Variants in PGGT1B observed in about 807,000 individuals in gnomAD.
PGGT1B encodes protein geranylgeranyltransferase type I subunit beta.
In PGGT1B, 30 loss-of-function variants were observed where a neutral mutation model predicts 46.1. The ratio of observed to expected loss-of-function variants is 0.65; its 90% CI spans 0.49 to 0.88. The LOEUF (loss-of-function observed/expected upper bound fraction) is 0.88, where lower values mean the gene tolerates loss of function less well. PGGT1B is among the 40% of genes least tolerant of loss of function. The probability of loss-of-function intolerance (pLI) is 0.00; values close to 1 mark genes in which losing one functional copy is unlikely to be tolerated. For synonymous variants in PGGT1B, 170 were observed against 160.0 expected (o/e 1.06, Z -0.47); for missense variants, 376 against 455.9 (o/e 0.82, Z 1.60).
chr5:115,227,945 G>A (rs1184549961), intron 6 of PGGT1B, among the ~76,000 whole-genome samples: 1 of 152,076 alleles, frequency 6.6e-6, no homozygotes, highest in Non-Finnish European at 1.5e-5. Context: ...ATTTATGGAG[G>A]ACAACTGGTG....
At chr5:115,251,287 T>C (rs1230062856) in intron 2 of PGGT1B, among the ~76,000 whole-genome samples, 3 of 152,136 alleles carry the variant, frequency 2.0e-5, no homozygotes, top group African/African-American at 2.4e-5. Context: ...TTTTTAGCCA[T>C]TCTGTTGATT....
intron 4 of PGGT1B, 26 bp from the exon 5 acceptor site, chr5:115,236,548 T>C: frequency 7.4e-6 from 11 of 1,496,044 alleles, no homozygotes; most frequent in Non-Finnish European, 9.8e-6. Flanking sequence ...ACAATATGAT[T>C]TTCTATTAAC....
At chr5:115,229,027 A>C (rs1756886751) in intron 6 of PGGT1B, among the ~76,000 whole-genome samples, 1 of 152,118 alleles carries the variant, frequency 6.6e-6, no homozygotes, top group Admixed American at 6.6e-5. Context: ...GAACACAATG[A>C]CTTGATGGGT....
intron 8 of PGGT1B, among the ~76,000 whole-genome samples, chr5:115,215,410 T>C (rs560247149): frequency 5.3e-4 from 80 of 152,326 alleles, no homozygotes; most frequent in African/African-American, 1.9e-3. Flanking sequence ...GCAATTCTTC[T>C]GCCCCAGCCT....
At chr5:115,249,779 T>C (rs1748010364) in intron 2 of PGGT1B, among the ~76,000 whole-genome samples, 1 of 152,220 alleles carries the variant, frequency 6.6e-6, no homozygotes, top group Non-Finnish European at 1.5e-5. Context: ...CTAATATATA[T>C]GACAGACAGT....
At position 115,253,139 on chromosome 5, in the gene PGGT1B, T is replaced by A. The variant is rs766803778; in HGVS notation, c.257A>T (p.Asp86Val). 5 of 1,599,586 alleles carry A rather than the reference T, an allele frequency of 3.1e-6. No individual in the cohort carries two copies. The highest frequency in any genetic ancestry group is 3.4e-6 in the Non-Finnish European group (4 of 1,175,206). The change falls in exon 2 of 9, where the codon GAC becomes GTC. Residue 86 changes from aspartate to valine, a missense_variant and splice_region_variant. Around this residue, in one of 2 missense-constraint regions of PGGT1B, gnomAD observed 154 missense variants for 142.3 expected, o/e 1.08. Coordinates refer to ENST00000419445, the MANE Select transcript of PGGT1B (RefSeq NM_005023.4). The part of the protein sequence containing the change: ...IYSLQVLPTE[D>V]RSNLNRCGFR... ...TAAAATGCTAAAAACTCACTCACTG[T>A]CTTCTGTGGGAAGGACCTGCAGGGA...
At chr5:115,225,094 G>C (rs186963735) in intron 6 of PGGT1B, among the ~76,000 whole-genome samples, 1 of 152,176 alleles carries the variant, frequency 6.6e-6, no homozygotes, top group Non-Finnish European at 1.5e-5. Flanking sequence ...ATAATGATTT[G>C]AATTCATCAA....
chr5:115,208,155 T>C lies in PGGT1B; in HGVS notation c.*4247A>G, dbSNP rs1407028928. 6.6e-6 allele frequency: 1 copy of C among 152,010 alleles called. No individual in the cohort carries two copies. Among genetic ancestry groups the C allele is most frequent in the African/African-American group, 2.4e-5 (1 of 41,430 alleles). 9.4% of individuals were successfully genotyped at this position (152,010 alleles called of 1,614,324 possible). A position where few individuals can be genotyped will look rare whatever the true frequency, so the allele number is the denominator to read the frequency against. Reference sequence around the variant, plus strand: ...AACTTTTTATTAATATTCATGAGATTGCTCTATATTTTCTTTTTGGTACCA... The same window carrying C: ...AACTTTTTATTAATATTCATGAGATCGCTCTATATTTTCTTTTTGGTACCA... On this transcript the variant is annotated 3_prime_UTR_variant, in exon 9 of 9. Coordinates refer to ENST00000419445, the MANE Select transcript of PGGT1B (RefSeq NM_005023.4).
At chr5:115,258,642 A>G (rs1199686199) in intron 1 of PGGT1B, among the ~76,000 whole-genome samples, 1 of 152,214 alleles carries the variant, frequency 6.6e-6, no homozygotes, top group African/African-American at 2.4e-5. Flanking sequence ...AACAACAACA[A>G]CAACAAAACA....
At chr5:115,215,640 T>C (rs548111523) in intron 8 of PGGT1B, among the ~76,000 whole-genome samples, 1 of 152,286 alleles carries the variant, frequency 6.6e-6, no homozygotes, top group African/African-American at 2.4e-5. Flanking sequence ...AGTAGGGGTG[T>C]AAGGAAATAT....
Position 115,249,410 on chromosome 5 carries a change from G to C in PGGT1B, c.259+3727C>G, listed in dbSNP as rs1580775615. ...ACACACTTGGACAAGGGAGGGGAAG[G>C]GGTTCTCATCCCTGACGCGGGTGGC... On this transcript the variant is annotated intron_variant, in intron 2 of 8. Coordinates refer to ENST00000419445, the MANE Select transcript of PGGT1B (RefSeq NM_005023.4). 2.0e-5 allele frequency among the ~76,000 whole-genome samples: 3 copies of C among 152,270 alleles called. 1 individual carries two copies. The South Asian group carries it at 6.2e-4, about 32-fold the overall frequency.
Position 115,249,712 on chromosome 5 carries a change from C to CA in PGGT1B, c.259+3424dup, listed in dbSNP as rs547485087. ...GGAAGTTAAGTTTAAAAGTAGAAGG[C>CA]AAAAAATTGAACATACTGACATATT... On this transcript the variant is annotated intron_variant, in intron 2 of 8. Coordinates refer to ENST00000419445, the MANE Select transcript of PGGT1B (RefSeq NM_005023.4). Among the ~76,000 whole-genome samples the CA allele has an allele frequency of 2.1e-4, 32 of 151,780 alleles. No individual in the cohort carries two copies. The East Asian group carries it at 6.2e-3, about 29-fold the overall frequency.
intron 2 of PGGT1B, among the ~76,000 whole-genome samples, chr5:115,244,466 CAAAAAAAA>C (rs1299602640): frequency 6.4e-5 from 2 of 31,188 alleles, no homozygotes; most frequent in Non-Finnish European, 1.1e-4. Flanking sequence ...CTCTGTCTCA[CAAAAAAAA>C]AAAAAAAAAA....
chr5:115,241,422 C>T (rs1487007746), intron 3 of PGGT1B, 117 bp downstream of exon 3: 1 of 516,018 alleles, frequency 1.9e-6, no homozygotes, highest in East Asian at 3.3e-5. Context: ...TATTAGACAA[C>T]ATTTAGCCAC....
chr5:115,236,096 G>C (rs1243514760), intron 5 of PGGT1B, among the ~76,000 whole-genome samples: 1 of 152,030 alleles, frequency 6.6e-6, no homozygotes, highest in Non-Finnish European at 1.5e-5. Flanking sequence ...GCTAGAATAG[G>C]CTGTCAATAT....
chr5:115,262,461 G>T, intron 1 of PGGT1B: 1 of 512,970 alleles, frequency 1.9e-6, no homozygotes. Flanking sequence ...GCAGCTCAGA[G>T]TTGCCAGAAG....
chr5:115,219,599 T>C (rs1009776576), intron 7 of PGGT1B, among the ~76,000 whole-genome samples: 1 of 151,764 alleles, frequency 6.6e-6, no homozygotes, highest in Non-Finnish European at 1.5e-5. Context: ...TTTGATAAAA[T>C]TGTACTGCAT....
intron 1 of PGGT1B, among the ~76,000 whole-genome samples, chr5:115,256,871 C>T (rs1362477992): frequency 6.6e-6 from 1 of 152,164 alleles, no homozygotes; most frequent in African/African-American, 2.4e-5. Context: ...GGTAATTGTG[C>T]GAACACACGC....
At chr5:115,262,022 C>T (rs1238671543) in intron 1 of PGGT1B, among the ~76,000 whole-genome samples, 2 of 152,250 alleles carry the variant, frequency 1.3e-5, no homozygotes, top group East Asian at 3.8e-4. Flanking sequence ...ACAAGCCGCT[C>T]TTTCCTCCCA....
Sources: gnomAD v4.1 joint callset for allele counts (sites outside exome capture counted in the v4.1 genomes callset) on GRCh38, gnomAD v4.1.1 for gene constraint, gnomAD v4.1.1 regional missense constraint, MANE v1.5 for transcripts, NCBI Gene and HGNC (gene_info 2026-07-23, HGNC 2026-07-21) for gene names.